TBC1D22B: variants seen among roughly 807,000 people sequenced by gnomAD.
The protein encoded by TBC1D22B is TBC1 domain family member 22B, also known as chromosome 6 open reading frame 197.
TBC1D22B carries 32 observed loss-of-function variants against 69.1 expected under a neutral mutation model. The ratio of observed to expected loss-of-function variants is 0.46; its 90% confidence interval spans 0.35 to 0.62. The LOEUF (loss-of-function observed/expected upper bound fraction) is 0.62, where lower values mean the gene tolerates loss of function less well. Ranked by LOEUF, TBC1D22B falls within the 20% of genes least tolerant of loss-of-function variation. The pLI is 0.00. For synonymous variants in TBC1D22B, 206 were observed against 229.8 expected (o/e 0.90, Z 0.94); for missense variants, 462 against 630.9 (o/e 0.73, Z 2.87).
At chr6:37,327,664 A>C (rs1768467205) in intron 12 of TBC1D22B, among the ~76,000 whole-genome samples, 3 of 152,172 alleles carry the variant, frequency 2.0e-5, no homozygotes, top group Admixed American at 2.0e-4. Flanking sequence ...CAGAGTTTTT[A>C]AAAGCAGAGC....
At chr6:37,293,840 T>C (rs1767269909) in intron 8 of TBC1D22B, among the ~76,000 whole-genome samples, 1 of 152,202 alleles carries the variant, frequency 6.6e-6, no homozygotes, top group African/African-American at 2.4e-5. Context: ...GAGATCAAAA[T>C]AGCCTTATTG....
At chr6:37,314,407 C>T (rs1349076545) in intron 10 of TBC1D22B, among the ~76,000 whole-genome samples, 1 of 152,194 alleles carries the variant, frequency 6.6e-6, no homozygotes, top group Non-Finnish European at 1.5e-5. Context: ...ATGGGGTCCT[C>T]AGGCCTGGCT....
intron 12 of TBC1D22B, among the ~76,000 whole-genome samples, chr6:37,325,305 G>T (rs1015846953): frequency 1.3e-5 from 2 of 151,978 alleles, no homozygotes; most frequent in African/African-American, 2.4e-5. Flanking sequence ...AAGGGTGTTT[G>T]CTCCCTTTCT....
At chr6:37,266,498 G>C (rs1352721514) in intron 1 of TBC1D22B, among the ~76,000 whole-genome samples, 2 of 131,982 alleles carry the variant, frequency 1.5e-5, no homozygotes, top group Admixed American at 1.7e-4. Context: ...GTCTTGCTCT[G>C]TCCCCCAAGC....
chr6:37,268,860 T>C (rs1399925931), intron 1 of TBC1D22B, among the ~76,000 whole-genome samples: 1 of 152,236 alleles, frequency 6.6e-6, no homozygotes, highest in East Asian at 1.9e-4. Flanking sequence ...CATTGTTACT[T>C]GAAGCCCTAC....
chr6:37,297,910 C>T (rs1463932862), intron 8 of TBC1D22B, among the ~76,000 whole-genome samples: 6 of 152,138 alleles, frequency 3.9e-5, no homozygotes, highest in Non-Finnish European at 1.5e-5. Flanking sequence ...ATGGATGAAG[C>T]TGGAAACCAT....
Position 37,269,604 on chromosome 6 carries a change from G to A in TBC1D22B, c.67G>A (p.Val23Ile), listed in dbSNP as rs778797369. 1.2e-6 allele frequency: 2 copies of A among 1,614,086 alleles called. No homozygotes were observed. The highest frequency in any genetic ancestry group is 1.7e-5 in the Admixed American group (1 of 60,006). The stretch of plus-strand genomic sequence containing the variant: ...TGTTTTTGCTTTTAGCATTCAGCCT[G>A]TATATGGAGCACAGCATCCTCCTCT... ...SAKLPGSIQP[V>I]YGAQHPPLDP... Residue 23 changes from valine (V) to isoleucine (I), a missense_variant, in exon 2 of 13, where the codon GTA becomes ATA. Physicochemically the swap from Val to Ile is conservative, Grantham distance 29. This residue lies in a region of TBC1D22B where 237 missense variants were observed against 255.4 expected (regional missense o/e 0.93). Transcript: ENST00000373491.
chr6:37,313,678 T>G (rs1027935846), intron 9 of TBC1D22B, 138 bp from the exon 10 acceptor site: 1 of 813,380 alleles, frequency 1.2e-6, no homozygotes, highest in African/African-American at 1.7e-5. Flanking sequence ...GTAGATTTCT[T>G]TGTTTCCCAG....
At chr6:37,294,578 T>G (rs1767298059) in intron 8 of TBC1D22B, among the ~76,000 whole-genome samples, 2 of 152,218 alleles carry the variant, frequency 1.3e-5, no homozygotes. Context: ...TGACTTTAAG[T>G]TGAAGCCCGT....
At chr6:37,290,169 C>T (rs1767131334) in intron 7 of TBC1D22B, among the ~76,000 whole-genome samples, 1 of 152,112 alleles carries the variant, frequency 6.6e-6, no homozygotes, top group South Asian at 2.1e-4. Context: ...GGTTTTTCTG[C>T]CTTCCACCTG....
intron 6 of TBC1D22B, 146 bp downstream of exon 6, chr6:37,284,610 C>A: frequency 1.0e-6 from 1 of 957,746 alleles, no homozygotes. Context: ...AACTGTTTCC[C>A]CTCTTTTCAT....
intron 7 of TBC1D22B, among the ~76,000 whole-genome samples, chr6:37,290,925 G>A (rs1767158719): frequency 6.6e-6 from 1 of 152,114 alleles, no homozygotes; most frequent in East Asian, 1.9e-4. Context: ...AGAATGTGGT[G>A]GCCTGAATTA....
chr6:37,326,054 G>A (rs1316585314), intron 12 of TBC1D22B, among the ~76,000 whole-genome samples: 1 of 152,168 alleles, frequency 6.6e-6, no homozygotes, highest in East Asian at 1.9e-4. Context: ...AAGACTGGAA[G>A]AATTGGAAAT....
intron 1 of TBC1D22B, among the ~76,000 whole-genome samples, chr6:37,261,944 AGTGTGTGTGTGT>A (rs70977641): frequency 0.23 from 26,937 of 118,516 alleles, 3,564 homozygotes; most frequent in East Asian, 0.45. Flanking sequence ...AGCTTTGGTC[AGTGTGTGTGTGT>A]GTGTGTGTGT....
intron 2 of TBC1D22B, among the ~76,000 whole-genome samples, chr6:37,277,105 A>T (rs1766693368): frequency 6.6e-6 from 1 of 151,946 alleles, no homozygotes; most frequent in African/African-American, 2.4e-5. Context: ...CGTGTGTGTC[A>T]CCCTGTGTTA....
chr6:37,272,279 G>C (rs573281248), intron 2 of TBC1D22B, among the ~76,000 whole-genome samples: 1 of 151,614 alleles, frequency 6.6e-6, no homozygotes, highest in Admixed American at 6.5e-5. Flanking sequence ...TGCCCAGGCT[G>C]GTCTTGAACC....
intron 1 of TBC1D22B, among the ~76,000 whole-genome samples, chr6:37,263,503 A>G (rs1583519012): frequency 1.3e-5 from 2 of 152,236 alleles, no homozygotes; most frequent in African/African-American, 2.4e-5. Flanking sequence ...TTTCAGAATA[A>G]TTGTTATCTC....
Position 37,284,436 on chromosome 6 carries a change from A to G in TBC1D22B, c.773A>G (p.Glu258Gly), listed in dbSNP as rs1766942148. Residue 258 changes from glutamate (E) to glycine (G), a missense_variant, in exon 6 of 13, where the codon GAG becomes GGG. Physicochemically the swap from Glu to Gly is moderately conservative, Grantham distance 98 (BLOSUM62 -2). This residue lies in a region of TBC1D22B where 225 missense variants were observed against 375.4 expected (regional missense o/e 0.60). Coordinates refer to ENST00000373491, the MANE Select transcript of TBC1D22B (RefSeq NM_017772.4). ...FIEQYYDSRN[E>G]EHHQDTYRQI... ...GAACAGTATTATGACTCTCGAAACGAGGAACATCACCAGGATACCTACAGA... is the reference window on the plus strand; with the variant it reads ...GAACAGTATTATGACTCTCGAAACGGGGAACATCACCAGGATACCTACAGA... 3 of 1,597,418 alleles carry G rather than the reference A, an allele frequency of 1.9e-6. No homozygotes were observed. Among genetic ancestry groups the G allele is most frequent in the African/African-American group, 1.3e-5 (1 of 74,094 alleles).
At chr6:37,298,880 A>G (rs552419440) in intron 8 of TBC1D22B, among the ~76,000 whole-genome samples, 3 of 152,316 alleles carry the variant, frequency 2.0e-5, no homozygotes, top group Admixed American at 6.5e-5. Context: ...TATAAGTAAC[A>G]TTGCAGTGAA....
Sources: gnomAD v4.1 joint callset for allele counts (sites outside exome capture counted in the v4.1 genomes callset) on GRCh38, gnomAD v4.1.1 for gene constraint, gnomAD v4.1.1 regional missense constraint, MANE v1.5 for transcripts, NCBI Gene and HGNC (gene_info 2026-07-23, HGNC 2026-07-21) for gene names.